GRIN2B: variants seen among roughly 807,000 people sequenced by gnomAD.
GRIN2B encodes glutamate receptor ionotropic, NMDA 2B.
Under a neutral mutation model 114.5 loss-of-function variants are expected in GRIN2B, and 5 were observed. The ratio of observed to expected loss-of-function variants is 0.04; its 90% CI spans 0.02 to 0.09. The LOEUF is 0.09. Among genes scored for constraint, GRIN2B ranks in the 10% least tolerant of loss-of-function variants. The pLI is 1.00. For synonymous variants in GRIN2B, 787 were observed against 745.1 expected, an observed-to-expected ratio of 1.06 and a Z score of -0.92; for missense variants, 1,108 against 1,943.5, an observed-to-expected ratio of 0.57 and a Z score of 8.08.
chr12:13,657,235 C>T (rs748975883), intron 5 of GRIN2B, among the ~76,000 whole-genome samples: 17 of 152,144 alleles, frequency 1.1e-4, no homozygotes, highest in Non-Finnish European at 2.2e-4. Flanking sequence ...TCTTGGAGCA[C>T]GTGGTTACTG....
intron 3 of GRIN2B, among the ~76,000 whole-genome samples, chr12:13,810,270 C>G (rs904303692): frequency 2.0e-5 from 3 of 151,038 alleles, no homozygotes; most frequent in Non-Finnish European, 4.4e-5. Context: ...GGCTGGAGTG[C>G]AATGTCACGA....
At chr12:13,580,026 C>T (rs143756902) in intron 10 of GRIN2B, among the ~76,000 whole-genome samples, 44 of 152,308 alleles carry the variant, frequency 2.9e-4, no homozygotes, top group African/African-American at 1.0e-3. Context: ...AAGAAACATA[C>T]TTGTTGAGAA....
intron 2 of GRIN2B, among the ~76,000 whole-genome samples, chr12:13,925,291 A>G (rs1248330873): frequency 2.0e-5 from 3 of 152,148 alleles, no homozygotes; most frequent in Non-Finnish European, 4.4e-5. Flanking sequence ...GCAAAATCCT[A>G]TTTTACGAAG....
At chr12:13,877,177 C>T (rs1866002666) in intron 2 of GRIN2B, among the ~76,000 whole-genome samples, 1 of 152,124 alleles carries the variant, frequency 6.6e-6, no homozygotes, top group African/African-American at 2.4e-5. Context: ...TTCCCTTGGT[C>T]TCTGAGCTAT....
intron 10 of GRIN2B, among the ~76,000 whole-genome samples, chr12:13,605,520 G>GTCTCTCTCTCTCTCTCTCTC (rs3081918): frequency 0.013 from 1,515 of 114,842 alleles, 42 homozygotes; most frequent in African/African-American, 0.036. Context: ...GGTCTTGAAA[G>GTCTCTCTCTCTCTCTCTCTC]TCTCTCTCTC....
chr12:13,688,304 A>G (rs959442356), intron 4 of GRIN2B, among the ~76,000 whole-genome samples: 2 of 152,196 alleles, frequency 1.3e-5, no homozygotes, highest in African/African-American at 4.8e-5. Context: ...TGATTTATAC[A>G]CCAACCAGTG....
chr12:13,935,679 T>C (rs183616963), intron 2 of GRIN2B, among the ~76,000 whole-genome samples: 2 of 152,290 alleles, frequency 1.3e-5, no homozygotes, highest in East Asian at 3.9e-4. Context: ...ATCATACATA[T>C]AAAGTAAATG....
chr12:13,755,746 C>T (rs751587286), intron 3 of GRIN2B, among the ~76,000 whole-genome samples: 1 of 152,136 alleles, frequency 6.6e-6, no homozygotes, highest in Non-Finnish European at 1.5e-5. Context: ...GGACTTTGGT[C>T]GGAATGTTTG....
At chr12:13,628,164 C>T (rs975530477) in intron 5 of GRIN2B, among the ~76,000 whole-genome samples, 1 of 152,200 alleles carries the variant, frequency 6.6e-6, no homozygotes, top group African/African-American at 2.4e-5. Flanking sequence ...AGAATACCCA[C>T]CTGTCCTATT....
chr12:13,847,355 C>A (rs1316692564), intron 3 of GRIN2B, among the ~76,000 whole-genome samples: 2 of 152,060 alleles, frequency 1.3e-5, no homozygotes, highest in African/African-American at 4.8e-5. Context: ...ACTACAAGGT[C>A]CCACAGAGAT....
At chr12:13,718,432 A>G (rs1950477990) in intron 4 of GRIN2B, among the ~76,000 whole-genome samples, 1 of 152,002 alleles carries the variant, frequency 6.6e-6, no homozygotes, top group African/African-American at 2.4e-5. Flanking sequence ...CCAAGGAAAA[A>G]AAGAGCCAAG....
At chr12:13,914,780 G>A (rs900408588) in intron 2 of GRIN2B, among the ~76,000 whole-genome samples, 1 of 152,144 alleles carries the variant, frequency 6.6e-6, no homozygotes, top group Non-Finnish European at 1.5e-5. Flanking sequence ...AACATGGATG[G>A]AATTGGAGAT....
rs1211941493 is a variant in GRIN2B at position 13,615,209 on chromosome 12, G to A, written c.1559C>T (p.Ser520Leu). 1 of 1,613,206 alleles carries A rather than the reference G, an allele frequency of 6.2e-7. No individual in the cohort carries two copies. The highest frequency in any genetic ancestry group is 1.3e-5 in the African/African-American group (1 of 74,894). Residue 520 changes from serine (S) to leucine (L), a missense_variant, in exon 8 of 14, where the codon TCG (serine) becomes TTG (leucine). Physicochemically the swap from Ser to Leu is moderately radical, Grantham distance 145. Coordinates refer to ENST00000609686, the MANE Select transcript of GRIN2B (RefSeq NM_000834.5). The surrounding 1 kb of genome is among the most constrained non-coding windows in gnomAD (Gnocchi z 5.8). Reference protein sequence around the residue: ...VGSLTINEERSEVVDFSVPFI... With the variant: ...VGSLTINEERLEVVDFSVPFI... ...GGGCACAGAGAAGTCGACCACCTCC[G>A]ATCGTTCCTCATTGATGGTGAGTGA...
chr12:13,958,409 A>G (rs1016477180), intron 2 of GRIN2B, among the ~76,000 whole-genome samples: 5 of 152,234 alleles, frequency 3.3e-5, no homozygotes, highest in Admixed American at 3.3e-4. Context: ...CCTCAGCTGC[A>G]TAATGGAACA....
intron 12 of GRIN2B, among the ~76,000 whole-genome samples, chr12:13,569,011 C>G (rs1000105531): frequency 4.6e-5 from 7 of 152,144 alleles, no homozygotes; most frequent in African/African-American, 1.7e-4. Context: ...TTTCTCCGCC[C>G]TACCTCTGGG....
intron 4 of GRIN2B, among the ~76,000 whole-genome samples, chr12:13,696,610 G>T (rs1359350795): frequency 6.6e-6 from 1 of 152,178 alleles, no homozygotes; most frequent in Non-Finnish European, 1.5e-5. Flanking sequence ...TATGCTGAAT[G>T]AGAAGAAAGA....
At chr12:13,827,902 G>T (rs184124688) in intron 3 of GRIN2B, among the ~76,000 whole-genome samples, 1 of 152,132 alleles carries the variant, frequency 6.6e-6, no homozygotes, top group East Asian at 1.9e-4. Context: ...GGCTGGTCTC[G>T]AACTCCTGAC....
chr12:13,654,024 C>T (rs189813756), intron 5 of GRIN2B, among the ~76,000 whole-genome samples: 1 of 152,242 alleles, frequency 6.6e-6, no homozygotes, highest in Admixed American at 6.5e-5. Flanking sequence ...CCTTTCTGCA[C>T]TCCCTTCTGA....
At chr12:13,890,683 G>A (rs367696699) in intron 2 of GRIN2B, among the ~76,000 whole-genome samples, 4 of 152,190 alleles carry the variant, frequency 2.6e-5, no homozygotes, top group East Asian at 1.9e-4. Context: ...TTTCTCCCAC[G>A]ACACCCCTTG....
Sources: gnomAD v4.1 joint callset for allele counts (sites outside exome capture counted in the v4.1 genomes callset) on GRCh38, gnomAD v4.1.1 for gene constraint, Gnocchi (gnomAD v3.1) non-coding constraint, MANE v1.5 for transcripts, NCBI Gene and HGNC (gene_info 2026-07-23, HGNC 2026-07-21) for gene names.